GALNT13: variants seen among roughly 807,000 people sequenced by gnomAD.
GALNT13 encodes the protein polypeptide N-acetylgalactosaminyltransferase 13, also known as UDP-GalNAc:polypeptide N-acetylgalactosaminyltransferase 13.
GALNT13 carries 28 observed loss-of-function variants against 64.2 expected under a neutral mutation model. The observed-to-expected ratio is 0.44, with a 90% CI of 0.32 to 0.60. GALNT13 has a LOEUF of 0.60. Among genes scored for constraint, GALNT13 ranks in the 20% least tolerant of loss-of-function variants. The probability of loss-of-function intolerance (pLI) is 0.05; values close to 1 mark genes in which losing one functional copy is unlikely to be tolerated. For synonymous variants in GALNT13, 214 were observed against 224.6 expected (o/e 0.95, Z 0.42); for missense variants, 577 against 669.8 (o/e 0.86, Z 1.53).
chr2:153,289,964 T>G, the GALNT13 span, among the ~76,000 whole-genome samples: 1 of 152,202 alleles, frequency 6.6e-6, no homozygotes. Context: ...CCTGGCTACC[T>G]CATTTACCAG....
At chr2:154,065,900 A>C (rs1179125839) in intron 3 of GALNT13, among the ~76,000 whole-genome samples, 2 of 152,132 alleles carry the variant, frequency 1.3e-5, no homozygotes, top group African/African-American at 4.8e-5. Flanking sequence ...ACCAGTGACC[A>C]ATCCCAGAGA....
At position 154,409,075 on chromosome 2, in the gene GALNT13, G is replaced by A; in HGVS notation, c.1388G>A (p.Gly463Glu). The A allele has an allele frequency of 1.3e-6, 2 of 1,596,448 alleles. No homozygotes were observed. The highest frequency in any genetic ancestry group is 2.2e-5 in the East Asian group (1 of 44,660). ...VGIFNCHGMG[G>E]NQVFSYTADK... is the part of the protein sequence containing the mutation. ...ATATTCAACTGTCATGGTATGGGAG[G>A]AAATCAGGTAAACTCTCCCTTTTTA... Residue 463 changes from glycine (G) to glutamate (E), a missense_variant, in exon 11 of 13, where the codon GGA becomes GAA. Transcript: ENST00000392825.
chr2:154,407,347 C>A (rs1574250177), intron 10 of GALNT13, among the ~76,000 whole-genome samples: 1 of 152,052 alleles, frequency 6.6e-6, no homozygotes, highest in Admixed American at 6.6e-5. Context: ...TTCAAGAAAT[C>A]TTCCTTTTAT....
chr2:153,242,164 T>C, the GALNT13 span, among the ~76,000 whole-genome samples: 1 of 152,178 alleles, frequency 6.6e-6, no homozygotes, highest in East Asian at 1.9e-4. Context: ...TGCTCAATGC[T>C]GTGTAGCTCA....
the GALNT13 span, among the ~76,000 whole-genome samples, chr2:153,109,538 G>A: frequency 6.6e-6 from 1 of 152,146 alleles, no homozygotes; most frequent in Non-Finnish European, 1.5e-5. Flanking sequence ...ACTAGTAGTA[G>A]AAAATAACTT....
chr2:153,661,658 G>T, the GALNT13 span, among the ~76,000 whole-genome samples: 5 of 152,078 alleles, frequency 3.3e-5, no homozygotes, highest in Non-Finnish European at 1.5e-5. Flanking sequence ...TTTATATCTT[G>T]CTTGCTTCAT....
chr2:153,497,126 A>T, the GALNT13 span, among the ~76,000 whole-genome samples: 1 of 152,214 alleles, frequency 6.6e-6, no homozygotes. Flanking sequence ...TCTGCAATTA[A>T]AACATGCCTG....
At chr2:154,202,865 A>G (rs772975814) in intron 4 of GALNT13, among the ~76,000 whole-genome samples, 1 of 152,152 alleles carries the variant, frequency 6.6e-6, no homozygotes. Context: ...AATTAATAAA[A>G]ACACAGAATT....
the GALNT13 span, among the ~76,000 whole-genome samples, chr2:153,640,709 G>C: frequency 6.6e-6 from 1 of 152,138 alleles, no homozygotes; most frequent in African/African-American, 2.4e-5. Context: ...CTGAGCCTGG[G>C]AGGCAAAGAG....
intron 4 of GALNT13, among the ~76,000 whole-genome samples, chr2:154,151,814 C>G (rs1483101456): frequency 6.6e-6 from 1 of 152,088 alleles, no homozygotes; most frequent in Admixed American, 6.6e-5. Context: ...TATTTTGAGC[C>G]TATGTGTGTG....
chr2:153,620,996 T>G, the GALNT13 span, among the ~76,000 whole-genome samples: 1 of 152,116 alleles, frequency 6.6e-6, no homozygotes, highest in Non-Finnish European at 1.5e-5. Flanking sequence ...AACACTGTGT[T>G]TCTTGCAGAC....
intron 3 of GALNT13, among the ~76,000 whole-genome samples, chr2:154,128,976 A>C (rs1322008650): frequency 1.3e-5 from 2 of 152,174 alleles, no homozygotes; most frequent in Non-Finnish European, 2.9e-5. Flanking sequence ...GCTTCCTCTC[A>C]GAATTACATC....
intron 7 of GALNT13, among the ~76,000 whole-genome samples, chr2:154,252,339 T>G (rs1690111319): frequency 6.7e-6 from 1 of 149,594 alleles, no homozygotes; most frequent in African/African-American, 2.4e-5. Flanking sequence ...CTATTTTAAT[T>G]TATTTTATTT....
At chr2:154,346,760 T>C (rs977218324) in intron 9 of GALNT13, among the ~76,000 whole-genome samples, 1 of 152,088 alleles carries the variant, frequency 6.6e-6, no homozygotes, top group Non-Finnish European at 1.5e-5. Flanking sequence ...TATATTCACA[T>C]AGAACACTAT....
At chr2:154,411,189 A>C (rs1699775930) in intron 11 of GALNT13, among the ~76,000 whole-genome samples, 1 of 151,796 alleles carries the variant, frequency 6.6e-6, no homozygotes, top group South Asian at 2.1e-4. Context: ...ATTCATAAAG[A>C]AAGTGATCAA....
chr2:154,143,425 CA>C (rs1558983275), intron 4 of GALNT13, among the ~76,000 whole-genome samples: 1 of 151,710 alleles, frequency 6.6e-6, no homozygotes, highest in East Asian at 1.9e-4. Flanking sequence ...ACTAGGTAAA[CA>C]CTATTTCAAG....
Position 154,387,841 on chromosome 2 carries a change from G to A in GALNT13, c.1157-8150G>A, listed in dbSNP as rs182593091. Among the ~76,000 whole-genome samples the A allele has an allele frequency of 1.3e-5, 2 of 152,264 alleles. 1 individual carries two copies. The highest frequency in any genetic ancestry group is 3.9e-4 in the East Asian group (2 of 5,182). ...TCATCTGTTGATATACATTTAGGTT[G>A]ATCCCATTTCTTGGCTATTGTGAAT... is the stretch of plus-strand genomic sequence containing the variant. On this transcript the variant is annotated intron_variant, in intron 9 of 12. Coordinates refer to ENST00000392825, the MANE Select transcript of GALNT13 (RefSeq NM_052917.4).
chr2:153,910,639 T>G (rs886849653), intron 2 of GALNT13, among the ~76,000 whole-genome samples: 2 of 152,194 alleles, frequency 1.3e-5, no homozygotes, highest in Non-Finnish European at 2.9e-5. Flanking sequence ...GTTGTAGCTT[T>G]GTTCTTATTA....
At chr2:153,467,386 G>A in the GALNT13 span, among the ~76,000 whole-genome samples, 19 of 152,094 alleles carry the variant, frequency 1.2e-4, no homozygotes, top group South Asian at 3.7e-3. Context: ...CTGTACGGGT[G>A]GATCCAAGTT....
Sources: allele counts gnomAD v4.1 joint callset (sites outside exome capture counted in the v4.1 genomes callset), GRCh38; gene constraint gnomAD v4.1.1; transcripts MANE v1.5; gene names NCBI Gene and HGNC (gene_info 2026-07-23, HGNC 2026-07-21).